BCL11B: variants seen among roughly 807,000 people sequenced by gnomAD.
BCL11B encodes the protein B-cell lymphoma/leukemia 11B.
In BCL11B, 8 loss-of-function variants were observed where a neutral mutation model predicts 49.9. That is an observed-to-expected ratio of 0.16 (90% CI 0.09 to 0.29). The LOEUF (loss-of-function observed/expected upper bound fraction) is 0.29. Among genes scored for constraint, BCL11B ranks in the 10% least tolerant of loss-of-function variants. The probability of loss-of-function intolerance (pLI) is 1.00; values close to 1 mark genes in which losing one functional copy is unlikely to be tolerated. For synonymous variants in BCL11B, 739 were observed against 637.4 expected, an observed-to-expected ratio of 1.16 and a Z score of -2.40; for missense variants, 1,006 against 1,351.0, an observed-to-expected ratio of 0.74 and a Z score of 4.00.
At chr14:99,220,901 A>G (rs1887988895) in intron 3 of BCL11B, among the ~76,000 whole-genome samples, 1 of 152,090 alleles carries the variant, frequency 6.6e-6, no homozygotes, top group Non-Finnish European at 1.5e-5. Flanking sequence ...CCCAGGCTGG[A>G]GTGCAATGCT....
At position 99,175,919 on chromosome 14, in the gene BCL11B, C is replaced by A. The variant is rs1886507533; in HGVS notation, c.917G>T (p.Gly306Val). Reference sequence around the variant, plus strand: ...CGGCGTGCCCGGCAGGCGGCCCTCGCCGAAGCCCGGGTGGTCCCGCAGGAT... The same window carrying A: ...CGGCGTGCCCGGCAGGCGGCCCTCGACGAAGCCCGGGTGGTCCCGCAGGAT... ...GPILRDHPGF[G>V]EGRLPGTPPL... Residue 306 changes from glycine (G) to valine (V), a missense_variant, in exon 4 of 4, where the codon GGC becomes GTC. Physicochemically the swap from Gly to Val is moderately radical, Grantham distance 109. Coordinates refer to ENST00000357195, the MANE Select transcript of BCL11B (RefSeq NM_138576.4). The A allele has an allele frequency of 1.4e-6, 2 of 1,446,754 alleles. No homozygotes were observed. Among genetic ancestry groups the A allele is most frequent in the East Asian group, 5.4e-5 (2 of 37,274 alleles). The allele number at this position is 1,446,754 out of a possible 1,614,324, so 89.6% of individuals were successfully genotyped here.
chr14:99,240,415 C>T (rs1193359201), intron 2 of BCL11B, among the ~76,000 whole-genome samples: 2 of 152,148 alleles, frequency 1.3e-5, no homozygotes, highest in South Asian at 2.1e-4. Flanking sequence ...TATAGAAGAC[C>T]GAGGTTCAGT....
chr14:99,253,470 G>A (rs1889067273), intron 2 of BCL11B, among the ~76,000 whole-genome samples: 1 of 152,184 alleles, frequency 6.6e-6, no homozygotes, highest in Non-Finnish European at 1.5e-5. Flanking sequence ...CCGAGCGCCA[G>A]GAAAAGCTCC....
intron 1 of BCL11B, among the ~76,000 whole-genome samples, chr14:99,270,486 G>T (rs1470555095): frequency 6.6e-6 from 1 of 150,950 alleles, no homozygotes. Flanking sequence ...GAAGTGGGGG[G>T]TGGGGAGGGG....
At chr14:99,239,602 A>G (rs1199093320) in intron 2 of BCL11B, among the ~76,000 whole-genome samples, 2 of 152,172 alleles carry the variant, frequency 1.3e-5, no homozygotes, top group East Asian at 3.9e-4. Context: ...CAGGAAACTC[A>G]TCTTCAGATT....
At chr14:99,209,612 G>A (rs780444652) in intron 3 of BCL11B, among the ~76,000 whole-genome samples, 4 of 152,130 alleles carry the variant, frequency 2.6e-5, no homozygotes, top group Non-Finnish European at 4.4e-5. Context: ...CCTGGCCCCC[G>A]GCAGGGGAGA....
At chr14:99,250,757 C>T (rs1167775132) in intron 2 of BCL11B, among the ~76,000 whole-genome samples, 1 of 152,172 alleles carries the variant, frequency 6.6e-6, no homozygotes, top group East Asian at 1.9e-4. Context: ...GGGAGCCCAG[C>T]TGCCTTTCTC....
chr14:99,270,196 C>G (rs1011554036), intron 1 of BCL11B, among the ~76,000 whole-genome samples: 10 of 152,096 alleles, frequency 6.6e-5, no homozygotes, highest in African/African-American at 2.2e-4. Context: ...GAAATCGACA[C>G]GATTTCAGCC....
rs560467910 is a variant in BCL11B at position 99,242,983 on chromosome 14, G to A, written c.428-11426C>T. On this transcript the variant is annotated intron_variant, in intron 2 of 3. Transcript: ENST00000357195. This position sits in a 1 kb window ranked among gnomAD's most constrained non-coding sequence, Gnocchi z 4.4. ...GTCCGCTTTGAGTTCCTTCCTCACC[G>A]GCACCTAGCAAGCCTGTGCATTTAA... Among the ~76,000 whole-genome samples, 329 of 152,182 alleles carry A rather than the reference G, an allele frequency of 2.2e-3. 2 individuals carry two copies. The highest frequency in any genetic ancestry group is 4.1e-3 in the Non-Finnish European group (278 of 68,000).
In BCL11B at chr14:99,176,146, G is replaced by A. The variant is rs1248578893; in HGVS notation, c.690C>T (p.Phe230=). Residue 230 remains phenylalanine, a synonymous_variant, in exon 4 of 4, where the codon TTC becomes TTT. Transcript: ENST00000357195. ...SYICTTCKQP[F]NSAWFLLQHA... is the part of the protein sequence containing the mutation. ...GCTGCAGCAGGAACCACGCGCTGTT[G>A]AAGGGCTGCTTGCATGTTGTGCAAA... 7 of 1,612,312 alleles carry A rather than the reference G, an allele frequency of 4.3e-6. No homozygotes were observed. Among genetic ancestry groups the A allele is most frequent in the African/African-American group, 2.7e-5 (2 of 74,784 alleles).
At chr14:99,187,641 G>A (rs1886892597) in intron 3 of BCL11B, among the ~76,000 whole-genome samples, 2 of 146,684 alleles carry the variant, frequency 1.4e-5, no homozygotes, top group African/African-American at 2.6e-5. Flanking sequence ...CAAATAAAGA[G>A]GGAGTTAGGA....
chr14:99,213,230 A>G lies in BCL11B; in HGVS notation c.640+18115T>C, dbSNP rs1217954124. On this transcript the variant is annotated intron_variant, in intron 3 of 3. Coordinates refer to ENST00000357195, the MANE Select transcript of BCL11B (RefSeq NM_138576.4). This position sits in a 1 kb window ranked among gnomAD's most constrained non-coding sequence, Gnocchi z 5.1. ...GATGAGCCCCTGGAATGAAGAAGGGAGCCCCGGAGGCTCGGCCGACCTGGG... is the reference window on the plus strand; with the variant it reads ...GATGAGCCCCTGGAATGAAGAAGGGGGCCCCGGAGGCTCGGCCGACCTGGG... Among the ~76,000 whole-genome samples the G allele has an allele frequency of 6.6e-6, 1 of 152,184 alleles. No individual in the cohort carries two copies. Among genetic ancestry groups the G allele is most frequent in the African/African-American group, 2.4e-5 (1 of 41,454 alleles).
chr14:99,204,778 A>C (rs1566809013), intron 3 of BCL11B, among the ~76,000 whole-genome samples: 1 of 152,254 alleles, frequency 6.6e-6, no homozygotes, highest in Non-Finnish European at 1.5e-5. Flanking sequence ...TCTAGACAAA[A>C]TCGAACAGCA....
At chr14:99,251,533 T>G (rs1202783215) in intron 2 of BCL11B, among the ~76,000 whole-genome samples, 2 of 152,138 alleles carry the variant, frequency 1.3e-5, no homozygotes, top group Non-Finnish European at 2.9e-5. Flanking sequence ...GAAAAGTCTA[T>G]GCAACAGTGA....
Position 99,205,546 on chromosome 14 carries a change from C to T in BCL11B, c.640+25799G>A, listed in dbSNP as rs1328423823. Among the ~76,000 whole-genome samples the T allele has an allele frequency of 3.9e-5, 6 of 152,232 alleles. No homozygotes were observed. The highest frequency in any genetic ancestry group is 2.1e-4 in the South Asian group (1 of 4,806). The stretch of plus-strand genomic sequence containing the variant: ...ACCTCCTGTGTCACCCTGTCCTGGG[C>T]GCTCTGTGAACTTTGTGATGCCTGA... On this transcript the variant is annotated intron_variant, in intron 3 of 3. Transcript: ENST00000357195. This position sits in a 1 kb window ranked among gnomAD's most constrained non-coding sequence, Gnocchi z 5.0.
intron 1 of BCL11B, among the ~76,000 whole-genome samples, chr14:99,261,060 C>T (rs1024590125): frequency 9.2e-5 from 14 of 152,188 alleles, no homozygotes; most frequent in African/African-American, 2.9e-4. Flanking sequence ...TTCCAAAGAA[C>T]GGGGTTTCCT....
intron 3 of BCL11B, among the ~76,000 whole-genome samples, chr14:99,217,385 G>C (rs61985714): frequency 7.6e-6 from 1 of 131,016 alleles, no homozygotes; most frequent in Non-Finnish European, 1.7e-5. Flanking sequence ...CACACATACA[G>C]ACACACACAC....
chr14:99,174,928 G>C lies in BCL11B; in HGVS notation c.1908C>G (p.Asp636Glu), dbSNP rs946484398. 4.6e-5 allele frequency: 60 copies of C among 1,307,582 alleles called. No individual in the cohort carries two copies. The highest frequency in any genetic ancestry group is 5.5e-5 in the Non-Finnish European group (56 of 1,022,512). 81.0% of individuals were successfully genotyped at this position (1,307,582 alleles called of 1,614,324 possible). A position where few individuals can be genotyped will look rare whatever the true frequency, so the allele number is the denominator to read the frequency against. ...RAAGGGDAGD[D>E]DDAGGCGDAG... ...CGTCCCCGCAGCCGCCCGCGTCGTCGTCGTCGCCCGCGTCCCCGCCGCCCG... is the reference window on the plus strand; with the variant it reads ...CGTCCCCGCAGCCGCCCGCGTCGTCCTCGTCGCCCGCGTCCCCGCCGCCCG... Residue 636 changes from aspartate to glutamate, a missense_variant, in exon 4 of 4, where the codon GAC becomes GAG. This residue lies in a region of BCL11B where 443 missense variants were observed against 499.7 expected (regional missense o/e 0.89). Transcript: ENST00000357195.
intron 3 of BCL11B, among the ~76,000 whole-genome samples, chr14:99,203,467 C>T (rs924817236): frequency 9.9e-5 from 15 of 152,066 alleles, no homozygotes; most frequent in Admixed American, 2.0e-4. Flanking sequence ...AAGAGGTTAA[C>T]GAAAGGAAAG....
Sources: gnomAD v4.1 joint callset for allele counts (sites outside exome capture counted in the v4.1 genomes callset) on GRCh38, gnomAD v4.1.1 for gene constraint, gnomAD v4.1.1 regional missense constraint, Gnocchi (gnomAD v3.1) non-coding constraint, MANE v1.5 for transcripts, NCBI Gene and HGNC (gene_info 2026-07-23, HGNC 2026-07-21) for gene names.